Variants in DMD observed in about 807,000 individuals in gnomAD.
The protein encoded by DMD is mutant dystrophin.
In DMD, 63 loss-of-function variants were observed where a neutral mutation model predicts 330.1. That is an observed-to-expected ratio of 0.19 (90% CI 0.16 to 0.24). The LOEUF is 0.24. DMD is among the 10% of genes least tolerant of loss of function. DMD has a pLI of 1.00. For synonymous variants in DMD, 1,223 were observed against 959.8 expected (o/e 1.27, Z -5.07); for missense variants, 3,344 against 2,684.1 (o/e 1.25, Z -5.43).
chrX:33,143,242 T>C (rs2148594144), intron 1 of DMD, among the ~76,000 whole-genome samples: 1 of 111,149 alleles, frequency 9.0e-6, no homozygotes, highest in East Asian at 2.8e-4. Flanking sequence ...TTAAAACCAT[T>C]AACGTTATAA....
At chrX:31,384,334 ACT>A (rs2060341887) in intron 60 of DMD, among the ~76,000 whole-genome samples, 1 of 109,475 alleles carries the variant, frequency 9.1e-6, no homozygotes, top group Non-Finnish European at 1.9e-5. Context: ...TACTACTACT[ACT>A]ACTACTACTA....
At chrX:31,791,621 A>C (rs1603468060) in intron 50 of DMD, among the ~76,000 whole-genome samples, 1 of 112,345 alleles carries the variant, frequency 8.9e-6, no homozygotes, top group African/African-American at 3.2e-5. Context: ...CCCCAAAAGT[A>C]CACATTGTGT....
chrX:31,767,359 C>A (rs1420521588), intron 51 of DMD, among the ~76,000 whole-genome samples: 2 of 111,400 alleles, frequency 1.8e-5, no homozygotes, highest in South Asian at 3.8e-4. Context: ...TGGAAATAAA[C>A]CATGTTTGCT....
At chrX:31,875,567 C>A (rs2149681520) in intron 47 of DMD, among the ~76,000 whole-genome samples, 194 bp from the exon 48 acceptor site, 1 of 111,887 alleles carries the variant, frequency 8.9e-6, no homozygotes, top group African/African-American at 3.2e-5. Context: ...CAAAATTATT[C>A]ATTAACCTGC....
At chrX:32,875,321 C>T (rs1419868847) in intron 2 of DMD, among the ~76,000 whole-genome samples, 3 of 112,033 alleles carry the variant, frequency 2.7e-5, no homozygotes, top group Non-Finnish European at 5.6e-5. Context: ...CTGAATTTCC[C>T]CAGTGCCTGT....
intron 23 of DMD, among the ~76,000 whole-genome samples, chrX:32,468,123 T>C (rs2040238754): frequency 9.1e-6 from 1 of 110,122 alleles, no homozygotes; most frequent in African/African-American, 3.3e-5. Flanking sequence ...ATGATTACAA[T>C]ATACCTCTGT....
At chrX:31,313,902 C>T (rs1280518642) in intron 62 of DMD, among the ~76,000 whole-genome samples, 2 of 107,308 alleles carry the variant, frequency 1.9e-5, no homozygotes. Flanking sequence ...GGTGTGATCT[C>T]GGCTCACTGC....
chrX:31,872,217 A>G (rs1448999287), intron 48 of DMD, among the ~76,000 whole-genome samples: 1 of 110,721 alleles, frequency 9.0e-6, no homozygotes, highest in East Asian at 2.9e-4. Flanking sequence ...TCTGCCAGGA[A>G]AAAAGCAGCT....
intron 2 of DMD, among the ~76,000 whole-genome samples, chrX:32,873,760 A>G (rs1233766493): frequency 8.9e-6 from 1 of 112,350 alleles, no homozygotes; most frequent in Non-Finnish European, 1.9e-5. Context: ...AGTCGAATAA[A>G]AATCAAGTAA....
chrX:31,572,583 G>A (rs945173322), intron 55 of DMD, among the ~76,000 whole-genome samples: 1 of 112,253 alleles, frequency 8.9e-6, no homozygotes, highest in Admixed American at 9.4e-5. Flanking sequence ...ATGACTAGCA[G>A]GATTTTGTGT....
At chrX:31,299,568 G>A (rs1251870510) in intron 62 of DMD, among the ~76,000 whole-genome samples, 10 of 110,719 alleles carry the variant, frequency 9.0e-5, no homozygotes, top group Non-Finnish European at 1.7e-4. Context: ...ATGAGGTCAA[G>A]AGATCAAGAC....
intron 57 of DMD, among the ~76,000 whole-genome samples, chrX:31,481,574 G>A (rs1342697839): frequency 8.9e-6 from 1 of 111,751 alleles, no homozygotes; most frequent in East Asian, 2.8e-4. Context: ...ATGAGCAAAC[G>A]CTGGGTGCAA....
chrX:32,133,165 C>T (rs2096707792), intron 44 of DMD, among the ~76,000 whole-genome samples: 1 of 109,289 alleles, frequency 9.2e-6, no homozygotes, highest in Non-Finnish European at 1.9e-5. Flanking sequence ...TGTGCCACCA[C>T]ACCCAGCTAA....
chrX:33,078,504 C>T (rs970644237), intron 1 of DMD, among the ~76,000 whole-genome samples: 2 of 111,926 alleles, frequency 1.8e-5, no homozygotes, highest in African/African-American at 6.5e-5. Context: ...TTTACTCACT[C>T]GGTAAAAGTG....
intron 17 of DMD, among the ~76,000 whole-genome samples, chrX:32,526,023 T>C (rs1287944061): frequency 8.9e-6 from 1 of 111,774 alleles, no homozygotes; most frequent in East Asian, 2.8e-4. Context: ...TTATGTATCA[T>C]AAGTTGCTCA....
At chrX:32,138,288 C>T (rs1222605714) in intron 44 of DMD, among the ~76,000 whole-genome samples, 3 of 111,000 alleles carry the variant, frequency 2.7e-5, no homozygotes, top group African/African-American at 9.8e-5. Flanking sequence ...ATCTCTATAG[C>T]ACCATATTTA....
intron 1 of DMD, among the ~76,000 whole-genome samples, chrX:33,274,147 T>C (rs1182209729): frequency 8.9e-6 from 1 of 111,857 alleles, no homozygotes; most frequent in Non-Finnish European, 1.9e-5. Context: ...CTGGAAAAAA[T>C]GGAAGCTCAG....
chrX:32,880,553 T>G (rs763157198), intron 2 of DMD, among the ~76,000 whole-genome samples: 7 of 112,152 alleles, frequency 6.2e-5, no homozygotes, highest in Non-Finnish European at 1.3e-4. Context: ...TGTAATTGCT[T>G]TTGATTGCTT....
At chrX:31,152,184 C>CTTTTTTTTTT in intron 74 of DMD, among the ~76,000 whole-genome samples, 1 of 98,370 alleles carries the variant, frequency 1.0e-5, no homozygotes, top group Admixed American at 1.1e-4. Context: ...CTTTAAGCAT[C>CTTTTTTTTTT]TTTTTTTTTT....
Sources: allele counts gnomAD v4.1 joint callset (sites outside exome capture counted in the v4.1 genomes callset), GRCh38; gene constraint gnomAD v4.1.1; transcripts MANE v1.5; gene names NCBI Gene and HGNC (gene_info 2026-07-23, HGNC 2026-07-21).